USP53: variants seen among roughly 807,000 people sequenced by gnomAD.
USP53 encodes ubiquitin specific peptidase 53.
Under a neutral mutation model 94.9 loss-of-function variants are expected in USP53, and 71 were observed. The observed-to-expected ratio is 0.75, with a 90% confidence interval of 0.62 to 0.91. USP53 has a LOEUF of 0.91. Among genes scored for constraint, USP53 ranks in the 40% least tolerant of loss-of-function variants. The pLI is 0.00. For synonymous variants in USP53, 375 were observed against 422.7 expected, an observed-to-expected ratio of 0.89 and a Z score of 1.39; for missense variants, 1,173 against 1,281.0, an observed-to-expected ratio of 0.92 and a Z score of 1.29.
chr4:119,291,843 C>T lies in USP53; in HGVS notation c.2349-495C>T, dbSNP rs142181325. 1.8e-3 allele frequency among the ~76,000 whole-genome samples: 273 copies of T among 151,972 alleles called. 3 individuals are homozygous for T. The highest frequency in any genetic ancestry group is 2.8e-3 in the Non-Finnish European group (192 of 67,980). On this transcript the variant is annotated intron_variant, in intron 18 of 18. Coordinates refer to ENST00000692078, the MANE Select transcript of USP53 (RefSeq NM_001371395.1). ...AGCCAGCCTAGGCAACATAGCAAGA[C>T]CCTCAAATATAATATAAATATATTT... is the stretch of plus-strand genomic sequence containing the variant.
chr4:119,271,724 G>T lies in USP53; in HGVS notation c.1864G>T (p.Asp622Tyr). 6.2e-7 allele frequency: 1 copy of T among 1,614,008 alleles called. No homozygotes were observed. The highest frequency in any genetic ancestry group is 8.5e-7 in the Non-Finnish European group (1 of 1,180,014). Reference sequence around the variant, plus strand: ...CAGTAATAAGCCTAAATCTAGCAAGGATCCGAGTTTTAGTAATTGGCCAAA... The same window carrying T: ...CAGTAATAAGCCTAAATCTAGCAAGTATCCGAGTTTTAGTAATTGGCCAAA... ...NISNKPKSSKDPSFSNWPKEN... is the reference protein window; with the variant it reads ...NISNKPKSSKYPSFSNWPKEN... Residue 622 changes from aspartate (D) to tyrosine (Y), a missense_variant, in exon 16 of 19, where the codon GAT becomes TAT. Asp to Tyr is a radical substitution (Grantham distance 160). Transcript: ENST00000692078.
In USP53 at chr4:119,248,987, A is replaced by G. The variant is rs537896674; in HGVS notation, c.372+105A>G. ...AACAAAAATTTAGAACAATAGAAAA[A>G]TGTCAAAACTGTCCAGTAGATCCAT... On this transcript the variant is annotated intron_variant, in intron 7 of 18. Transcript: ENST00000692078. 266 of 1,429,388 alleles carry G rather than the reference A, an allele frequency of 1.9e-4. 1 individual carries two copies. Among genetic ancestry groups the G allele is most frequent in the Non-Finnish European group, 2.4e-4 (250 of 1,053,806 alleles). The allele number at this position is 1,429,388 out of a possible 1,614,324, so 88.5% of individuals were successfully genotyped here.
chr4:119,240,070 T>C (rs989898604), intron 5 of USP53, among the ~76,000 whole-genome samples, 167 bp downstream of exon 5: 2 of 152,176 alleles, frequency 1.3e-5, no homozygotes, highest in African/African-American at 4.8e-5. Context: ...ATTTTGGTTT[T>C]TATAATAAAT....
chr4:119,228,804 T>C (rs1057490186), intron 3 of USP53, among the ~76,000 whole-genome samples: 5 of 152,202 alleles, frequency 3.3e-5, no homozygotes, highest in African/African-American at 4.8e-5. Flanking sequence ...ATATTGTACG[T>C]AGGAAAATTA....
At chr4:119,283,834 G>A (rs1753786696) in intron 17 of USP53, among the ~76,000 whole-genome samples, 1 of 151,812 alleles carries the variant, frequency 6.6e-6, no homozygotes, top group Admixed American at 6.6e-5. Context: ...AGGAATATAA[G>A]TCTAAAACTC....
At chr4:119,249,408 A>G (rs1347141856) in intron 7 of USP53, among the ~76,000 whole-genome samples, 1 of 152,158 alleles carries the variant, frequency 6.6e-6, no homozygotes, top group Non-Finnish European at 1.5e-5. Context: ...TTGATCAGGT[A>G]CATACTTTAT....
In USP53 at chr4:119,268,626, A is replaced by T. The variant is rs546743359; in HGVS notation, c.1288+206A>T. 3.7e-4 allele frequency among the ~76,000 whole-genome samples: 57 copies of T among 152,238 alleles called. 1 individual carries two copies. The highest frequency in any genetic ancestry group is 7.6e-4 in the Non-Finnish European group (52 of 68,042). ...TTCCATGAGTTGTTTGAGTTTCTTC[A>T]TGCACTCAGACTGTGGTAGGCCTGA... is the stretch of plus-strand genomic sequence containing the variant. On this transcript the variant is annotated intron_variant, in intron 14 of 18. Coordinates refer to ENST00000692078, the MANE Select transcript of USP53 (RefSeq NM_001371395.1).
In USP53 at chr4:119,265,893, G is replaced by A. The variant is rs190127102; in HGVS notation, c.973-1427G>A. 1.4e-4 allele frequency among the ~76,000 whole-genome samples: 21 copies of A among 152,268 alleles called. No individual in the cohort carries two copies. In the East Asian group the frequency reaches 2.5e-3, roughly 18 times the overall value. On this transcript the variant is annotated intron_variant, in intron 12 of 18. Coordinates refer to ENST00000692078, the MANE Select transcript of USP53 (RefSeq NM_001371395.1). The stretch of plus-strand genomic sequence containing the variant: ...TAAATCAATTTTATAGAGGTATAGT[G>A]CACAAACATTAAAATACACCCATTT...
intron 6 of USP53, among the ~76,000 whole-genome samples, chr4:119,245,756 C>T (rs899515338): frequency 6.6e-6 from 1 of 152,122 alleles, no homozygotes; most frequent in East Asian, 1.9e-4. Flanking sequence ...ACTGAGGATA[C>T]AGCAGTGAAC....
At chr4:119,289,739 A>C (rs1014931036) in intron 17 of USP53, among the ~76,000 whole-genome samples, 4 of 152,172 alleles carry the variant, frequency 2.6e-5, no homozygotes, top group African/African-American at 9.7e-5. Flanking sequence ...CTTGTGCCTT[A>C]GTAAAGGAAA....
chr4:119,231,058 C>G (rs1381538646), intron 3 of USP53, among the ~76,000 whole-genome samples: 1 of 152,020 alleles, frequency 6.6e-6, no homozygotes, highest in Non-Finnish European at 1.5e-5. Context: ...GAGGTGGTAA[C>G]TAGGAAGCAG....
intron 12 of USP53, among the ~76,000 whole-genome samples, chr4:119,264,481 G>A (rs1254412947): frequency 1.3e-5 from 2 of 152,158 alleles, no homozygotes; most frequent in African/African-American, 4.8e-5. Flanking sequence ...AATAAAGACT[G>A]TATCCAGAAT....
intron 4 of USP53, among the ~76,000 whole-genome samples, chr4:119,238,866 G>A (rs1185598551): frequency 6.6e-6 from 1 of 151,576 alleles, no homozygotes; most frequent in Non-Finnish European, 1.5e-5. Context: ...GTCTTTTTTT[G>A]GAAAAATATG....
At position 119,271,419 on chromosome 4, in the gene USP53, G is replaced by A. The variant is rs568951821; in HGVS notation, c.1559G>A (p.Arg520Gln). ...GGAAAAGGATCATATAAACATGACC[G>A]AGTTGTACCTCAGAGTCGAGCTTCT... ...SQGKGSYKHD[R>Q]VVPQSRASAQ... The change falls in exon 16 of 19, where the codon CGA becomes CAA. Residue 520 changes from arginine (R) to glutamine (Q), a missense_variant. Coordinates refer to ENST00000692078, the MANE Select transcript of USP53 (RefSeq NM_001371395.1). 56 of 1,613,952 alleles carry A rather than the reference G, an allele frequency of 3.5e-5. No individual in the cohort carries two copies. The Middle Eastern group carries it at 8.2e-4, about 24-fold the overall frequency.
chr4:119,252,647 T>C (rs1578480912), intron 7 of USP53, among the ~76,000 whole-genome samples: 1 of 152,134 alleles, frequency 6.6e-6, no homozygotes, highest in East Asian at 1.9e-4. Flanking sequence ...GTTTTGCTAG[T>C]GGTCTGTCTA....
intron 17 of USP53, among the ~76,000 whole-genome samples, chr4:119,280,171 T>C (rs1284701435): frequency 6.6e-6 from 1 of 152,212 alleles, no homozygotes; most frequent in Non-Finnish European, 1.5e-5. Flanking sequence ...TGTCTCTTAT[T>C]AAAGATAGCA....
chr4:119,259,728 G>C (rs1478929473), intron 9 of USP53, 92 bp from the exon 10 acceptor site: 1 of 810,334 alleles, frequency 1.2e-6, no homozygotes, highest in Non-Finnish European at 1.9e-6. Flanking sequence ...TAGAAAAAGT[G>C]ATGCACATCT....
chr4:119,254,574 G>T (rs562587174), intron 7 of USP53, among the ~76,000 whole-genome samples: 29 of 152,210 alleles, frequency 1.9e-4, no homozygotes, highest in Middle Eastern at 3.4e-3. Flanking sequence ...GCTCCATCAG[G>T]TTATTTAAGG....
At chr4:119,221,433 C>CA (rs200028525) in intron 3 of USP53, 50,805 of 137,926 alleles carry the variant, frequency 0.37, 8,677 homozygotes, top group African/African-American at 0.41. Flanking sequence ...GACCCCAGCT[C>CA]AAAAAAAAAA....
Sources: gnomAD v4.1 joint callset for allele counts (sites outside exome capture counted in the v4.1 genomes callset) on GRCh38, gnomAD v4.1.1 for gene constraint, MANE v1.5 for transcripts, NCBI Gene and HGNC (gene_info 2026-07-23, HGNC 2026-07-21) for gene names.